KCNJ10: variants seen among roughly 807,000 people sequenced by gnomAD.
KCNJ10 encodes ATP-sensitive inward rectifier potassium channel 10.
A neutral mutation model predicts 22.2 loss-of-function variants in KCNJ10; 9 were observed. That is an observed-to-expected ratio of 0.40 (90% CI 0.24 to 0.71). The LOEUF is 0.71. KCNJ10 is among the 30% of genes least tolerant of loss of function. The pLI, the probability that KCNJ10 is intolerant of heterozygous loss-of-function variation, is 0.35. For missense variants in KCNJ10, 337 were observed against 482.7 expected, an observed-to-expected ratio of 0.70 and a Z score of 2.83; for synonymous variants, 184 against 187.3, an observed-to-expected ratio of 0.98 and a Z score of 0.15.
intron 1 of KCNJ10, among the ~76,000 whole-genome samples, chr1:160,063,322 G>T (rs1649244801): frequency 6.6e-6 from 1 of 152,196 alleles, no homozygotes; most frequent in African/African-American, 2.4e-5. Context: ...AGGGCAGTGA[G>T]CGGGACTGAG....
chr1:160,049,678 TATATATATATATATATATA>T (rs1648839167), intron 1 of KCNJ10, among the ~76,000 whole-genome samples: 2 of 51,990 alleles, frequency 3.8e-5, no homozygotes, highest in Non-Finnish European at 7.9e-5. Flanking sequence ...TATTTATTTA[TATATATATATATATATATA>T]TATATATATA....
At chr1:160,063,870 C>T (rs1014716494) in intron 1 of KCNJ10, among the ~76,000 whole-genome samples, 1 of 152,240 alleles carries the variant, frequency 6.6e-6, no homozygotes, top group African/African-American at 2.4e-5. Context: ...GAGCTCACAT[C>T]ATTGAGCTCT....
intron 1 of KCNJ10, among the ~76,000 whole-genome samples, chr1:160,053,961 G>C (rs1399303997): frequency 6.6e-6 from 1 of 152,114 alleles, no homozygotes; most frequent in African/African-American, 2.4e-5. Context: ...ACCCCTGCCT[G>C]TCAATGTGAG....
intron 1 of KCNJ10, among the ~76,000 whole-genome samples, chr1:160,068,409 T>A (rs1649376377): frequency 6.6e-6 from 1 of 152,058 alleles, no homozygotes; most frequent in Non-Finnish European, 1.5e-5. Flanking sequence ...AGGACCCAGG[T>A]TGGCAAGGGC....
At chr1:160,056,799 G>A (rs1649052189) in intron 1 of KCNJ10, among the ~76,000 whole-genome samples, 2 of 152,178 alleles carry the variant, frequency 1.3e-5, no homozygotes, top group South Asian at 4.1e-4. Flanking sequence ...CAACTATACA[G>A]CATGTGAGCC....
intron 1 of KCNJ10, among the ~76,000 whole-genome samples, chr1:160,058,921 T>C (rs944015081): frequency 3.3e-5 from 5 of 152,216 alleles, no homozygotes; most frequent in Admixed American, 6.5e-5. Context: ...TCAGCTTAGA[T>C]GTCACTTTCT....
chr1:160,043,579 G>A (rs1440572406), intron 1 of KCNJ10, among the ~76,000 whole-genome samples: 1 of 152,178 alleles, frequency 6.6e-6, no homozygotes, highest in Middle Eastern at 3.2e-3. Flanking sequence ...AAGCAGTGGT[G>A]GAGGAGAAAC....
chr1:160,046,733 A>G (rs953919225), intron 1 of KCNJ10, among the ~76,000 whole-genome samples: 2 of 152,150 alleles, frequency 1.3e-5, no homozygotes, highest in African/African-American at 4.8e-5. Flanking sequence ...AAGCGGATAA[A>G]CAATCAGCTA....
intron 1 of KCNJ10, among the ~76,000 whole-genome samples, chr1:160,043,438 A>G (rs946608416): frequency 6.6e-6 from 1 of 152,112 alleles, no homozygotes; most frequent in African/African-American, 2.4e-5. Context: ...GATGCTCCCT[A>G]AGCACCCAGA....
intron 1 of KCNJ10, among the ~76,000 whole-genome samples, chr1:160,053,958 C>T (rs1006957089): frequency 2.0e-5 from 3 of 152,164 alleles, no homozygotes; most frequent in African/African-American, 7.2e-5. Flanking sequence ...ACCACCCCTG[C>T]CTGTCAATGT....
At chr1:160,045,107 G>C (rs1648712647) in intron 1 of KCNJ10, among the ~76,000 whole-genome samples, 1 of 152,200 alleles carries the variant, frequency 6.6e-6, no homozygotes, top group Non-Finnish European at 1.5e-5. Flanking sequence ...AACTTCAGGA[G>C]ATTTTTGACA....
chr1:160,049,680 TATATATATATA>T lies in KCNJ10; in HGVS notation c.1-7159_1-7149del, dbSNP rs1648840562. Among the ~76,000 whole-genome samples the T allele has an allele frequency of 4.8e-3, 345 of 71,372 alleles. 6 individuals are homozygous for T. The highest frequency in any genetic ancestry group is 0.012 in the African/African-American group (212 of 17,552). 46.8% of individuals were successfully genotyped at this position (71,372 alleles called of 152,430 possible). Reference sequence around the variant, plus strand: ...GGATCCAGCATTTTATTTATTTATATATATATATATATATATATATATATATATATATATAT... The same window carrying T: ...GGATCCAGCATTTTATTTATTTATATTATATATATATATATATATATATAT... On this transcript the variant is annotated intron_variant, in intron 1 of 1. Transcript: ENST00000644903.
chr1:160,055,178 C>T (rs541213961), intron 1 of KCNJ10, among the ~76,000 whole-genome samples: 1 of 152,252 alleles, frequency 6.6e-6, no homozygotes, highest in South Asian at 2.1e-4. Context: ...CTAACAATAC[C>T]TAATAACAGT....
intron 1 of KCNJ10, among the ~76,000 whole-genome samples, chr1:160,050,767 C>G (rs1322327105): frequency 1.3e-5 from 2 of 152,080 alleles, no homozygotes; most frequent in Non-Finnish European, 2.9e-5. Context: ...ATAGGACACA[C>G]TGGGAAAACA....
chr1:160,041,609 G>A lies in KCNJ10; in HGVS notation c.924C>T (p.Gly308=). 1 of 1,614,122 alleles carries A rather than the reference G, an allele frequency of 6.2e-7. No individual in the cohort carries two copies. The highest frequency in any genetic ancestry group is 8.5e-7 in the Non-Finnish European group (1 of 1,179,998). Residue 308 remains glycine (G), a synonymous_variant, in exon 2 of 2, where the codon GGC becomes GGT. Coordinates refer to ENST00000644903, the MANE Select transcript of KCNJ10 (RefSeq NM_002241.5). The surrounding 1 kb of genome is among the most constrained non-coding windows in gnomAD (Gnocchi z 4.4). The stretch of plus-strand genomic sequence containing the variant: ...GTGAGATGGCAGGTGTGAACTCGTA[G>A]CCCCAAAGGATCTCCTCTGGCAGGT... ...TSYLPEEILW[G]YEFTPAISLS... is the part of the protein sequence containing the mutation.
At chr1:160,043,995 C>T (rs538357090) in intron 1 of KCNJ10, among the ~76,000 whole-genome samples, 2 of 152,296 alleles carry the variant, frequency 1.3e-5, no homozygotes, top group East Asian at 3.9e-4. Flanking sequence ...AAAGTCTGAA[C>T]CATTGCATTT....
chr1:160,050,935 G>A (rs1226264874), intron 1 of KCNJ10, among the ~76,000 whole-genome samples: 2 of 151,748 alleles, frequency 1.3e-5, no homozygotes, highest in Non-Finnish European at 2.9e-5. Context: ...CTGCTGGTCT[G>A]GTCTTTTCTT....
At position 160,042,928 on chromosome 1, in the gene KCNJ10, C is replaced by T. The variant is rs560310472; in HGVS notation, c.1-396G>A. Among the ~76,000 whole-genome samples the T allele has an allele frequency of 7.3e-4, 86 of 118,122 alleles. No homozygotes were observed. The Middle Eastern group carries it at 0.012, about 16-fold the overall frequency. 77.5% of individuals were successfully genotyped at this position (118,122 alleles called of 152,430 possible). On this transcript the variant is annotated intron_variant, in intron 1 of 1. Transcript: ENST00000644903. ...CTCCAGCCTGGGTGACACAGCGAGA[C>T]TCCGTCTCAAAAAAAAAAAAAAGTA...
At chr1:160,058,680 C>A (rs1365060154) in intron 1 of KCNJ10, among the ~76,000 whole-genome samples, 1 of 151,978 alleles carries the variant, frequency 6.6e-6, no homozygotes, top group Non-Finnish European at 1.5e-5. Context: ...TCTCTGAAGT[C>A]CCTAGAATTA....
Sources: gnomAD v4.1 joint callset for allele counts (sites outside exome capture counted in the v4.1 genomes callset) on GRCh38, gnomAD v4.1.1 for gene constraint, Gnocchi (gnomAD v3.1) non-coding constraint, MANE v1.5 for transcripts, NCBI Gene and HGNC (gene_info 2026-07-23, HGNC 2026-07-21) for gene names.